The following SLC39A11 variants were observed in gnomAD, a reference collection of about 807,000 sequenced individuals.
SLC39A11 encodes the protein solute carrier family 39 member 11, also known as zinc transporter ZIP11.
A neutral mutation model predicts 36.1 loss-of-function variants in SLC39A11; 33 were observed. That is an observed-to-expected ratio of 0.91 (90% CI 0.69 to 1.22). SLC39A11 has a LOEUF of 1.22. Ranked by LOEUF, SLC39A11 falls within the 50% of genes most tolerant of loss-of-function variation. SLC39A11 has a pLI of 0.00. For synonymous variants in SLC39A11, 166 were observed against 170.3 expected, an observed-to-expected ratio of 0.97 and a Z score of 0.20; for missense variants, 432 against 430.3, an observed-to-expected ratio of 1.00 and a Z score of -0.03.
chr17:73,055,824 C>T (rs1440739649), intron 3 of SLC39A11, among the ~76,000 whole-genome samples: 1 of 152,124 alleles, frequency 6.6e-6, no homozygotes, highest in African/African-American at 2.4e-5. Flanking sequence ...TCAAATAAGG[C>T]AAAACACCAG....
At chr17:72,738,567 G>A (rs559298756) in intron 6 of SLC39A11, among the ~76,000 whole-genome samples, 6 of 152,288 alleles carry the variant, frequency 3.9e-5, no homozygotes, top group African/African-American at 1.4e-4. Context: ...GGTCATGGAA[G>A]GAAATGGACC....
At chr17:72,899,272 C>T (rs2082192790) in intron 5 of SLC39A11, among the ~76,000 whole-genome samples, 1 of 151,538 alleles carries the variant, frequency 6.6e-6, no homozygotes, top group Non-Finnish European at 1.5e-5. Flanking sequence ...ACCACTCTTG[C>T]TGGGGTGGAA....
At chr17:72,988,262 G>C (rs557689042) in intron 4 of SLC39A11, among the ~76,000 whole-genome samples, 1 of 152,154 alleles carries the variant, frequency 6.6e-6, no homozygotes. Flanking sequence ...AAACCAGTCC[G>C]GCCAACATGG....
intron 6 of SLC39A11, among the ~76,000 whole-genome samples, chr17:72,776,869 C>T (rs2076155097): frequency 6.6e-6 from 1 of 152,216 alleles, no homozygotes; most frequent in African/African-American, 2.4e-5. Flanking sequence ...CCCCACCCCT[C>T]ACCAAGTCCC....
At chr17:72,807,030 G>A (rs1218271937) in intron 6 of SLC39A11, among the ~76,000 whole-genome samples, 1 of 151,998 alleles carries the variant, frequency 6.6e-6, no homozygotes, top group African/African-American at 2.4e-5. Flanking sequence ...ATTTTTAAGA[G>A]ATTTCCTCAA....
chr17:72,664,834 C>T lies in SLC39A11; in HGVS notation c.672-15566G>A, dbSNP rs573289866. ...CTCTCTTCTCTCCATTCTTTTCTCC[C>T]TCCATTCTCTTCTTCTCTTCTGATT... is the stretch of plus-strand genomic sequence containing the variant. On this transcript the variant is annotated intron_variant, in intron 7 of 9. Transcript: ENST00000255559. 2.0e-5 allele frequency among the ~76,000 whole-genome samples: 3 copies of T among 152,290 alleles called. No individual in the cohort carries two copies. The South Asian group carries it at 6.2e-4, about 32-fold the overall frequency.
chr17:72,716,992 T>TATATAC (rs773086532), intron 7 of SLC39A11, among the ~76,000 whole-genome samples: 1,368 of 126,400 alleles, frequency 0.011, 30 homozygotes, highest in African/African-American at 0.039. Context: ...TATATATATA[T>TATATAC]ACACACACAC....
At chr17:72,652,203 C>A (rs746368022) in intron 7 of SLC39A11, among the ~76,000 whole-genome samples, 4 of 152,182 alleles carry the variant, frequency 2.6e-5, no homozygotes, top group Non-Finnish European at 5.9e-5. Flanking sequence ...GGCCCATGGG[C>A]TGCAGTTTGC....
At chr17:73,054,507 C>T (rs755833768) in intron 3 of SLC39A11, among the ~76,000 whole-genome samples, 3 of 152,166 alleles carry the variant, frequency 2.0e-5, no homozygotes, top group Non-Finnish European at 2.9e-5. Flanking sequence ...CGCCTCTGCC[C>T]TCAAGGTGCT....
In SLC39A11 at chr17:72,953,388, AG is replaced by A. The variant is rs575053751; in HGVS notation, c.307-5514del. On this transcript the variant is annotated intron_variant, in intron 4 of 9. Coordinates refer to ENST00000255559, the MANE Select transcript of SLC39A11 (RefSeq NM_139177.4). ...ATGATGAAATAATGTGAAGGAGGTGAGGGGGCAGGAGGTAGGAAAGCAGCTC... is the reference window on the plus strand; with the variant it reads ...ATGATGAAATAATGTGAAGGAGGTGAGGGGCAGGAGGTAGGAAAGCAGCTC... 7.2e-5 allele frequency among the ~76,000 whole-genome samples: 11 copies of A among 152,194 alleles called. 1 individual carries two copies. The East Asian group carries it at 9.6e-4, about 13-fold the overall frequency.
intron 7 of SLC39A11, among the ~76,000 whole-genome samples, chr17:72,702,400 T>C (rs1419690923): frequency 6.6e-6 from 1 of 152,158 alleles, no homozygotes; most frequent in Non-Finnish European, 1.5e-5. Context: ...CATTTTTGGT[T>C]GTCACAACTA....
chr17:73,057,924 A>C (rs2059721086), intron 3 of SLC39A11, among the ~76,000 whole-genome samples: 1 of 152,072 alleles, frequency 6.6e-6, no homozygotes, highest in Non-Finnish European at 1.5e-5. Flanking sequence ...GGGACAGAGC[A>C]AGACTCTATC....
chr17:72,891,549 C>T (rs1337308969), intron 5 of SLC39A11, among the ~76,000 whole-genome samples: 2 of 152,062 alleles, frequency 1.3e-5, no homozygotes, highest in Non-Finnish European at 2.9e-5. Context: ...TATCCTCACT[C>T]TCTCCCCTCA....
chr17:72,738,967 C>G (rs778669568), intron 6 of SLC39A11, among the ~76,000 whole-genome samples: 5 of 152,122 alleles, frequency 3.3e-5, no homozygotes, highest in Non-Finnish European at 7.4e-5. Flanking sequence ...CTGTGATGCA[C>G]TCCAGCTCAA....
At chr17:72,901,238 T>C (rs1347392350) in intron 5 of SLC39A11, among the ~76,000 whole-genome samples, 3 of 152,198 alleles carry the variant, frequency 2.0e-5, no homozygotes, top group South Asian at 2.1e-4. Flanking sequence ...TGGGAAGTGA[T>C]GGACGTCTCT....
chr17:72,815,356 A>T (rs963844963), intron 6 of SLC39A11, among the ~76,000 whole-genome samples: 1 of 152,246 alleles, frequency 6.6e-6, no homozygotes, highest in African/African-American at 2.4e-5. Flanking sequence ...GTGGTGGCTC[A>T]TGCCTGTAAT....
intron 5 of SLC39A11, among the ~76,000 whole-genome samples, chr17:72,896,047 A>ATT (rs1479309310): frequency 6.6e-6 from 1 of 151,992 alleles, no homozygotes; most frequent in Non-Finnish European, 1.5e-5. Context: ...TCTTCAGGGA[A>ATT]TTTAAGTTAT....
rs34723416 is a variant in SLC39A11 at position 72,924,162 on chromosome 17, A to ATTTT, written c.430+23586_430+23589dup. ...CCCCGTCTCAAAAAAAAAAAAAAAA[A>ATTTT]TTTTTTTTTTTTTTTTAAGGAAAGA... On this transcript the variant is annotated intron_variant, in intron 5 of 9. Coordinates refer to ENST00000255559, the MANE Select transcript of SLC39A11 (RefSeq NM_139177.4). Among the ~76,000 whole-genome samples the ATTTT allele has an allele frequency of 3.4e-3, 406 of 120,550 alleles. 3 individuals are homozygous for ATTTT. Among genetic ancestry groups the ATTTT allele is most frequent in the South Asian group, 5.6e-3 (23 of 4,116 alleles). 79.1% of individuals were successfully genotyped at this position (120,550 alleles called of 152,430 possible). A position where few individuals can be genotyped will look rare whatever the true frequency, so the allele number is the denominator to read the frequency against.
chr17:72,708,580 C>T (rs1261395105), intron 7 of SLC39A11, among the ~76,000 whole-genome samples: 1 of 152,190 alleles, frequency 6.6e-6, no homozygotes, highest in Non-Finnish European at 1.5e-5. Context: ...GTTACCTCAT[C>T]TCCTAATATC....
Sources: gnomAD v4.1 joint callset for allele counts (sites outside exome capture counted in the v4.1 genomes callset) on GRCh38, gnomAD v4.1.1 for gene constraint, MANE v1.5 for transcripts, NCBI Gene and HGNC (gene_info 2026-07-23, HGNC 2026-07-21) for gene names.